CMIP: variants seen among roughly 807,000 people sequenced by gnomAD.
CMIP encodes the protein c-Maf inducing protein.
In CMIP, 13 loss-of-function variants were observed where a neutral mutation model predicts 97.3. That is an observed-to-expected ratio of 0.13 (90% CI 0.09 to 0.21). The LOEUF (loss-of-function observed/expected upper bound fraction) is 0.21, where lower values mean the gene tolerates loss of function less well. Ranked by LOEUF, CMIP falls within the 10% of genes least tolerant of loss-of-function variation. The pLI is 1.00. For missense variants in CMIP, 847 were observed against 1,024.9 expected, an observed-to-expected ratio of 0.83 and a Z score of 2.37; for synonymous variants, 538 against 436.3, an observed-to-expected ratio of 1.23 and a Z score of -2.91.
At chr16:81,465,985 T>C (rs1362409747) in intron 1 of CMIP, among the ~76,000 whole-genome samples, 2 of 152,240 alleles carry the variant, frequency 1.3e-5, no homozygotes, top group Non-Finnish European at 2.9e-5. Context: ...AAGAAGTCGA[T>C]GATGAAAAAT....
intron 10 of CMIP, among the ~76,000 whole-genome samples, chr16:81,688,159 T>A (rs1320378662): frequency 1.4e-5 from 2 of 142,416 alleles, no homozygotes; most frequent in Admixed American, 1.3e-4. Flanking sequence ...TGATAGAGCC[T>A]GAAATACCTG....
In CMIP at chr16:81,576,205, A is replaced by G. The variant is rs966534436; in HGVS notation, c.301-31362A>G. Among the ~76,000 whole-genome samples, 8 of 152,284 alleles carry G rather than the reference A, an allele frequency of 5.3e-5. No individual in the cohort carries two copies. In the East Asian group the frequency reaches 9.7e-4, roughly 18 times the overall value. On this transcript the variant is annotated intron_variant, in intron 1 of 20. Coordinates refer to ENST00000537098, the MANE Select transcript of CMIP (RefSeq NM_198390.3). ...GATCACCTGAGGTCAGGAGTTCGAG[A>G]CTACCCTGGCCAACATGGTGAAACC...
intron 2 of CMIP, among the ~76,000 whole-genome samples, chr16:81,610,075 CTTTCCTGCTCCACCAGCAAAG>C: frequency 6.6e-6 from 1 of 152,152 alleles, no homozygotes; most frequent in East Asian, 1.9e-4. Context: ...TGAGCCTCCA[CTTTCCTGCTCCACCAGCAAAG>C]GGGCCTCATT....
intron 1 of CMIP, among the ~76,000 whole-genome samples, chr16:81,482,351 C>T (rs11859878): frequency 0.046 from 6,972 of 152,258 alleles, 191 homozygotes; most frequent in Non-Finnish European, 0.064. Flanking sequence ...TTGTGCCTAT[C>T]ATAGCAGGGG....
intron 10 of CMIP, among the ~76,000 whole-genome samples, chr16:81,686,210 A>C (rs1266296811): frequency 6.6e-6 from 1 of 152,242 alleles, no homozygotes; most frequent in Non-Finnish European, 1.5e-5. Flanking sequence ...GGAAACCATG[A>C]GTCAGGGACA....
chr16:81,501,739 G>A lies in CMIP; in HGVS notation c.300+56198G>A, dbSNP rs572513723. 2.0e-4 allele frequency among the ~76,000 whole-genome samples: 30 copies of A among 152,028 alleles called. No homozygotes were observed. In the South Asian group the frequency reaches 5.8e-3, roughly 29 times the overall value. On this transcript the variant is annotated intron_variant, in intron 1 of 20. Transcript: ENST00000537098. ...CAATTCTCCTGCCTCAGCCTCCCGAGTAGCTGGAATTACAGGTGCATGCCA... is the reference window on the plus strand; with the variant it reads ...CAATTCTCCTGCCTCAGCCTCCCGAATAGCTGGAATTACAGGTGCATGCCA...
chr16:81,495,372 G>A lies in CMIP; in HGVS notation c.300+49831G>A. Reference sequence around the variant, plus strand: ...CAGGCTTCTTGGATGGGCTGGGCGTGCATGGCATAACCGTTTGAGAACAAC... The same window carrying A: ...CAGGCTTCTTGGATGGGCTGGGCGTACATGGCATAACCGTTTGAGAACAAC... On this transcript the variant is annotated intron_variant, in intron 1 of 20. Transcript: ENST00000537098. The A allele has an allele frequency of 2.6e-6, 4 of 1,516,250 alleles. No homozygotes were observed. The South Asian group carries it at 3.8e-5, about 15-fold the overall frequency. 93.9% of individuals were successfully genotyped at this position (1,516,250 alleles called of 1,614,324 possible). A position where few individuals can be genotyped will look rare whatever the true frequency, so the allele number is the denominator to read the frequency against.
chr16:81,611,634 G>A (rs893129769), intron 2 of CMIP, among the ~76,000 whole-genome samples: 8 of 151,748 alleles, frequency 5.3e-5, no homozygotes, highest in Admixed American at 5.2e-4. Flanking sequence ...GCTCACTCTG[G>A]GCTTCTCTTG....
chr16:81,509,589 C>T (rs2089773289), intron 1 of CMIP, among the ~76,000 whole-genome samples: 1 of 152,212 alleles, frequency 6.6e-6, no homozygotes, highest in Non-Finnish European at 1.5e-5. Context: ...CCCTTCCGCC[C>T]ACTCTGTCCG....
At chr16:81,537,497 C>T (rs530052380) in intron 1 of CMIP, among the ~76,000 whole-genome samples, 4 of 143,562 alleles carry the variant, frequency 2.8e-5, no homozygotes, top group South Asian at 2.2e-4. Context: ...ATTGCACCAC[C>T]GTACTCCAGC....
At chr16:81,663,517 G>T (rs1374915273) in intron 6 of CMIP, among the ~76,000 whole-genome samples, 2 of 152,186 alleles carry the variant, frequency 1.3e-5, no homozygotes, top group Non-Finnish European at 2.9e-5. Context: ...AGGATTTTTA[G>T]GGCGTGAAAC....
intron 2 of CMIP, chr16:81,611,259 C>T (rs2091826794): frequency 6.6e-6 from 1 of 152,222 alleles, no homozygotes; most frequent in Non-Finnish European, 1.5e-5. Flanking sequence ...GTGCTGACCT[C>T]GAGGCCTTTT....
At chr16:81,649,931 A>G (rs1303269750) in intron 3 of CMIP, among the ~76,000 whole-genome samples, 3 of 152,212 alleles carry the variant, frequency 2.0e-5, no homozygotes, top group East Asian at 3.8e-4. Flanking sequence ...TTCTTGCTTC[A>G]GACATGTTGG....
In CMIP at chr16:81,652,431, C is replaced by G; in HGVS notation, c.639+67C>G. The G allele has an allele frequency of 7.1e-7, 1 of 1,408,972 alleles. No homozygotes were observed. Among genetic ancestry groups the G allele is most frequent in the East Asian group, 2.3e-5 (1 of 43,410 alleles). The allele number at this position is 1,408,972 out of a possible 1,614,324, so 87.3% of individuals were successfully genotyped here. ...CCCTCCACCGATCACCGGCTCCATG[C>G]CAAGCAGCAGGCGCAGGCAGAGCTC... On this transcript the variant is annotated intron_variant, in intron 4 of 20. Transcript: ENST00000537098. This position sits in a 1 kb window ranked among gnomAD's most constrained non-coding sequence, Gnocchi z 5.2.
chr16:81,602,177 T>C (rs2091668684), intron 1 of CMIP, among the ~76,000 whole-genome samples: 1 of 152,192 alleles, frequency 6.6e-6, no homozygotes. Flanking sequence ...TGGCGGAATA[T>C]TTTATAGCTG....
In CMIP at chr16:81,628,543, A is replaced by G. The variant is rs191074824; in HGVS notation, c.477+7617A>G. 2.0e-5 allele frequency among the ~76,000 whole-genome samples: 3 copies of G among 152,336 alleles called. No homozygotes were observed. In the East Asian group the frequency reaches 5.8e-4, roughly 29 times the overall value. ...TGATGTGGAAACTGAGGCTGAGGTT[A>G]AATCACTCACTCAAGGTCACACAGC... is the stretch of plus-strand genomic sequence containing the variant. On this transcript the variant is annotated intron_variant, in intron 3 of 20. Transcript: ENST00000537098.
chr16:81,483,514 C>T (rs16955433), intron 1 of CMIP, among the ~76,000 whole-genome samples: 29,342 of 152,030 alleles, frequency 0.19, 3,059 homozygotes, highest in East Asian at 0.31. Context: ...AGGAAAGTGG[C>T]AGCTCTGAAG....
At chr16:81,515,932 C>T (rs931245316) in intron 1 of CMIP, among the ~76,000 whole-genome samples, 1 of 152,218 alleles carries the variant, frequency 6.6e-6, no homozygotes, top group African/African-American at 2.4e-5. Flanking sequence ...TCCTCCGTGG[C>T]TCCAGCTCCC....
chr16:81,697,012 A>G (rs532339320), intron 14 of CMIP: 65 of 301,014 alleles, frequency 2.2e-4, no homozygotes, highest in Non-Finnish European at 2.6e-4. Context: ...TGCCATGGTT[A>G]TGTTCCTACA....
Sources: allele counts gnomAD v4.1 joint callset (sites outside exome capture counted in the v4.1 genomes callset), GRCh38; gene constraint gnomAD v4.1.1; non-coding constraint Gnocchi (gnomAD v3.1); transcripts MANE v1.5; gene names NCBI Gene and HGNC (gene_info 2026-07-23, HGNC 2026-07-21).